P3H2: variants seen among roughly 807,000 people sequenced by gnomAD.
The protein encoded by P3H2 is prolyl 3-hydroxylase 2.
P3H2 carries 80 observed loss-of-function variants against 87.0 expected under a neutral mutation model. The observed-to-expected ratio is 0.92, with a 90% CI of 0.77 to 1.11. The LOEUF (loss-of-function observed/expected upper bound fraction) is 1.11. Among genes scored for constraint, P3H2 ranks in the 50% least tolerant of loss-of-function variants. P3H2 has a pLI of 0.00. For missense variants in P3H2, 1,001 were observed against 923.9 expected (o/e 1.08, Z -1.08); for synonymous variants, 367 against 359.3 (o/e 1.02, Z -0.24).
intron 1 of P3H2, among the ~76,000 whole-genome samples, chr3:190,055,979 T>C (rs560981351): frequency 5.9e-5 from 9 of 152,158 alleles, no homozygotes; most frequent in Non-Finnish European, 1.3e-4. Flanking sequence ...TATTTGGAGA[T>C]AGGGGATACT....
chr3:190,108,624 G>A (rs1463783179), intron 1 of P3H2, among the ~76,000 whole-genome samples: 5 of 151,712 alleles, frequency 3.3e-5, no homozygotes, highest in East Asian at 1.9e-4. Context: ...TGTTTATTAC[G>A]TTAATTAATA....
chr3:189,959,687 C>T (rs1053308835), intron 14 of P3H2, among the ~76,000 whole-genome samples: 15 of 152,016 alleles, frequency 9.9e-5, no homozygotes, highest in East Asian at 3.9e-4. Context: ...TTATATTCTA[C>T]GCTTTCTTTT....
chr3:190,079,168 C>T (rs1415232248), intron 1 of P3H2, among the ~76,000 whole-genome samples: 1 of 151,892 alleles, frequency 6.6e-6, no homozygotes, highest in Non-Finnish European at 1.5e-5. Context: ...TGGTGAAACC[C>T]TGTCTCTACT....
At chr3:190,018,436 A>G (rs1724837321) in intron 1 of P3H2, among the ~76,000 whole-genome samples, 1 of 152,152 alleles carries the variant, frequency 6.6e-6, no homozygotes, top group Non-Finnish European at 1.5e-5. Context: ...GGCCAGGTGT[A>G]GTGGCTCCTT....
At chr3:190,067,224 T>C (rs1387066959) in intron 1 of P3H2, among the ~76,000 whole-genome samples, 1 of 152,044 alleles carries the variant, frequency 6.6e-6, no homozygotes, top group Non-Finnish European at 1.5e-5. Flanking sequence ...CAGACATGAT[T>C]TGAGTCTAAT....
At chr3:190,029,256 AGGT>A (rs1725180359) in intron 1 of P3H2, among the ~76,000 whole-genome samples, 1 of 152,224 alleles carries the variant, frequency 6.6e-6, no homozygotes, top group Non-Finnish European at 1.5e-5. Flanking sequence ...TTTATATCAA[AGGT>A]GAAATTCTTA....
chr3:190,005,146 C>T (rs528334687), intron 1 of P3H2, among the ~76,000 whole-genome samples: 12 of 152,080 alleles, frequency 7.9e-5, no homozygotes, highest in Non-Finnish European at 1.6e-4. Context: ...TAGCTTAATG[C>T]AAGCCTGGGA....
intron 1 of P3H2, among the ~76,000 whole-genome samples, chr3:190,027,804 T>C (rs1437739929): frequency 6.6e-6 from 1 of 151,912 alleles, no homozygotes; most frequent in African/African-American, 2.4e-5. Flanking sequence ...TGCTGGTGCA[T>C]GTATTTTGCA....
intron 1 of P3H2, among the ~76,000 whole-genome samples, chr3:190,039,099 G>C (rs1313957499): frequency 6.6e-6 from 1 of 151,646 alleles, no homozygotes; most frequent in African/African-American, 2.4e-5. Flanking sequence ...TGAGGCAGGA[G>C]AATTGCTTGA....
chr3:190,083,730 C>G (rs1577315184), intron 1 of P3H2, among the ~76,000 whole-genome samples: 2 of 152,192 alleles, frequency 1.3e-5, no homozygotes, highest in Non-Finnish European at 2.9e-5. Flanking sequence ...AGAGACATTT[C>G]AGATTAACAT....
chr3:190,017,515 C>A (rs117000750), intron 1 of P3H2, among the ~76,000 whole-genome samples: 1 of 152,134 alleles, frequency 6.6e-6, no homozygotes, highest in African/African-American at 2.4e-5. Flanking sequence ...ATAACAAAAG[C>A]AAGTCCTGAA....
chr3:189,977,307 C>T (rs1049938717), intron 8 of P3H2, among the ~76,000 whole-genome samples: 3 of 152,196 alleles, frequency 2.0e-5, no homozygotes, highest in Non-Finnish European at 2.9e-5. Context: ...TTCTCCGCTG[C>T]CATGCTGTAA....
chr3:189,970,191 AATATATATATAT>A (rs71175322), intron 13 of P3H2, among the ~76,000 whole-genome samples: 1,884 of 53,970 alleles, frequency 0.035, 245 homozygotes, highest in African/African-American at 0.12. Flanking sequence ...TATATATGCA[AATATATATATAT>A]ATATATATAT....
chr3:190,004,909 T>C (rs539546662), intron 1 of P3H2, among the ~76,000 whole-genome samples: 1 of 152,258 alleles, frequency 6.6e-6, no homozygotes, highest in South Asian at 2.1e-4. Flanking sequence ...AGCTTCCTAA[T>C]TGTTCACTAC....
rs1291645535 is a variant in P3H2, at chr3:190,120,681, T to TAGCAGCGGC, written c.42_50dup (p.Pro15_Leu17dup). 2.0e-6 allele frequency: 3 copies of TAGCAGCGGC among 1,522,248 alleles called. No homozygotes were observed. Among genetic ancestry groups the TAGCAGCGGC allele is most frequent in the African/African-American group, 1.4e-5 (1 of 71,104 alleles). The allele number at this position is 1,522,248 out of a possible 1,614,324, so 94.3% of individuals were successfully genotyped here. The stretch of plus-strand genomic sequence containing the variant: ...GGCCGCCCCACAGTGGCGGCGGCAG[T>TAGCAGCGGC]AGCAGCGGCAGCAGCAGCAGCAGCG... On this transcript the variant is annotated inframe_insertion, in exon 1 of 15. Coordinates refer to ENST00000319332, the MANE Select transcript of P3H2 (RefSeq NM_018192.4).
chr3:190,007,205 A>G (rs1724414842), intron 1 of P3H2, among the ~76,000 whole-genome samples: 1 of 152,190 alleles, frequency 6.6e-6, no homozygotes, highest in Admixed American at 6.5e-5. Flanking sequence ...AAGTGGGAGT[A>G]AAGGGATACT....
At chr3:189,970,045 T>C (rs1723121945) in intron 13 of P3H2, among the ~76,000 whole-genome samples, 1 of 151,368 alleles carries the variant, frequency 6.6e-6, no homozygotes, top group Non-Finnish European at 1.5e-5. Flanking sequence ...ACGGGTTTAC[T>C]TAGGAAGATG....
chr3:189,998,428 T>C (rs1291968442), intron 1 of P3H2, among the ~76,000 whole-genome samples: 2 of 152,216 alleles, frequency 1.3e-5, no homozygotes, highest in Non-Finnish European at 2.9e-5. Context: ...AAATATGTCA[T>C]GTCCTATAAG....
intron 1 of P3H2, among the ~76,000 whole-genome samples, chr3:190,040,963 C>T (rs1035390130): frequency 4.2e-5 from 6 of 143,520 alleles, no homozygotes; most frequent in Admixed American, 3.6e-4. Context: ...GCAGGCAGAT[C>T]ACTTGAACTC....
Sources: allele counts gnomAD v4.1 joint callset (sites outside exome capture counted in the v4.1 genomes callset), GRCh38; gene constraint gnomAD v4.1.1; transcripts MANE v1.5; gene names NCBI Gene and HGNC (gene_info 2026-07-23, HGNC 2026-07-21).